STK33: variants seen among roughly 807,000 people sequenced by gnomAD.
STK33 encodes serine/threonine-protein kinase 33.
Under a neutral mutation model 58.0 loss-of-function variants are expected in STK33, and 52 were observed. The observed-to-expected ratio is 0.90, with a 90% CI of 0.72 to 1.13. STK33 has a LOEUF of 1.13. Among genes scored for constraint, STK33 ranks in the 50% most tolerant of loss-of-function variants. STK33 has a pLI of 0.00. For missense variants in STK33, 630 were observed against 604.2 expected (o/e 1.04, Z -0.45); for synonymous variants, 215 against 200.1 (o/e 1.07, Z -0.63).
intron 15 of STK33, among the ~76,000 whole-genome samples, chr11:8,397,991 C>T (rs1849671399): frequency 6.6e-6 from 1 of 152,286 alleles, no homozygotes; most frequent in East Asian, 1.9e-4. Context: ...CTGATTGGTG[C>T]ACCTGAAAGT....
chr11:8,390,009 G>A (rs764309776), downstream of STK33, among the ~76,000 whole-genome samples: 18 of 152,086 alleles, frequency 1.2e-4, no homozygotes, highest in South Asian at 2.1e-4. Context: ...CTCTCGCTCC[G>A]GCTTCCGGCT....
chr11:8,552,916 C>G (rs1956402285), intron 1 of STK33, among the ~76,000 whole-genome samples: 1 of 151,218 alleles, frequency 6.6e-6, no homozygotes, highest in Admixed American at 6.6e-5. Context: ...TTTGGGAGGC[C>G]AAGGCAGAAG....
chr11:8,436,065 T>C lies in STK33; in HGVS notation c.1022A>G (p.His341Arg). ...GGAATTCCAGACTGCATTTTCAAAA[T>C]GTAGTTCTCCTTTTCTTATTAACTC... ...LFELIRKGEL[H>R]FENAVWNSIS... The change falls in exon 13 of 16, where the codon CAT becomes CGT. Residue 341 changes from histidine (H) to arginine (R), a missense_variant. Transcript: ENST00000687296. 6.3e-7 allele frequency: 1 copy of C among 1,592,780 alleles called. No homozygotes were observed. Among genetic ancestry groups the C allele is most frequent in the Non-Finnish European group, 8.6e-7 (1 of 1,169,466 alleles).
intron 1 of STK33, among the ~76,000 whole-genome samples, chr11:8,544,975 T>C (rs1474820495): frequency 6.6e-6 from 1 of 152,196 alleles, no homozygotes; most frequent in Non-Finnish European, 1.5e-5. Context: ...CATGACACGG[T>C]CCTGCTTACA....
chr11:8,454,946 G>A, intron 9 of STK33, 114 bp from the exon 10 acceptor site: 1 of 1,057,710 alleles, frequency 9.5e-7, no homozygotes, highest in Non-Finnish European at 1.3e-6. Context: ...AAATTTGAGG[G>A]CCAAGCATAG....
chr11:8,492,344 CA>C lies in STK33; in HGVS notation c.-465-11731del, dbSNP rs1198464629. ...TTAAACCAACAAAGATCAAAAGAGA[CA>C]AAGAAGGCCACTACATAATGGTAAA... On this transcript the variant is annotated intron_variant, in intron 1 of 15. Coordinates refer to ENST00000687296, the MANE Select transcript of STK33 (RefSeq NM_001352389.2). Among the ~76,000 whole-genome samples the C allele has an allele frequency of 4.7e-5, 7 of 148,854 alleles. No homozygotes were observed. In the East Asian group the frequency reaches 1.4e-3, roughly 29 times the overall value.
chr11:8,504,609 G>C (rs1951741271), intron 1 of STK33, among the ~76,000 whole-genome samples: 1 of 151,818 alleles, frequency 6.6e-6, no homozygotes, highest in Non-Finnish European at 1.5e-5. Flanking sequence ...GCAACACAGG[G>C]AGACCTCATC....
chr11:8,366,990 GTATT>G, the STK33 span, among the ~76,000 whole-genome samples: 1 of 152,198 alleles, frequency 6.6e-6, no homozygotes, highest in South Asian at 2.1e-4. Flanking sequence ...GTGTGCAAGT[GTATT>G]TGTTATTCTT....
At chr11:8,583,478 T>C (rs1434353330) in intron 1 of STK33, among the ~76,000 whole-genome samples, 2 of 152,170 alleles carry the variant, frequency 1.3e-5, no homozygotes, top group East Asian at 1.9e-4. Context: ...ACATGTACTA[T>C]GGAAATGACT....
chr11:8,537,581 G>A (rs1210857418), intron 1 of STK33, among the ~76,000 whole-genome samples: 2 of 152,010 alleles, frequency 1.3e-5, no homozygotes, highest in African/African-American at 4.8e-5. Flanking sequence ...ATTTTCTGTA[G>A]TACACATTAT....
intron 1 of STK33, among the ~76,000 whole-genome samples, chr11:8,529,804 C>T (rs557919463): frequency 6.6e-6 from 1 of 152,132 alleles, no homozygotes; most frequent in East Asian, 1.9e-4. Flanking sequence ...TCAAAAGCCC[C>T]GAGGAAGAAC....
chr11:8,502,087 T>C (rs1391806078), intron 1 of STK33, among the ~76,000 whole-genome samples: 2 of 152,032 alleles, frequency 1.3e-5, no homozygotes, highest in African/African-American at 2.4e-5. Flanking sequence ...CTCAATTACA[T>C]AGTGTGATGA....
At chr11:8,513,338 GT>G (rs1952493975) in intron 1 of STK33, among the ~76,000 whole-genome samples, 1 of 152,046 alleles carries the variant, frequency 6.6e-6, no homozygotes, top group African/African-American at 2.4e-5. Context: ...TGTGTAGCCC[GT>G]TCCTACCACC....
intron 1 of STK33, among the ~76,000 whole-genome samples, chr11:8,523,208 C>T (rs1039885715): frequency 6.6e-6 from 1 of 152,148 alleles, no homozygotes; most frequent in Non-Finnish European, 1.5e-5. Context: ...TCTGCCCAGC[C>T]GCCACCCCGT....
chr11:8,477,860 A>G lies in STK33; in HGVS notation c.-260-577T>C, dbSNP rs550638216. Among the ~76,000 whole-genome samples the G allele has an allele frequency of 4.6e-5, 7 of 152,286 alleles. No individual in the cohort carries two copies. In the South Asian group the frequency reaches 1.5e-3, roughly 32 times the overall value. On this transcript the variant is annotated intron_variant, in intron 2 of 15. Coordinates refer to ENST00000687296, the MANE Select transcript of STK33 (RefSeq NM_001352389.2). ...CTTGGTAGCTATATGCATAAAGCAT[A>G]GGATTTCTTTCTATTACTCACTGAG...
chr11:8,464,981 C>T, intron 6 of STK33, 159 bp from the exon 7 acceptor site: 1 of 463,578 alleles, frequency 2.2e-6, no homozygotes, highest in Non-Finnish European at 3.8e-6. Context: ...TATTAATAAA[C>T]ACATCTTAAT....
chr11:8,511,664 C>T (rs957856514), intron 1 of STK33, among the ~76,000 whole-genome samples: 1 of 152,036 alleles, frequency 6.6e-6, no homozygotes, highest in Non-Finnish European at 1.5e-5. Flanking sequence ...CTATGCCAAT[C>T]TTGTTGAGAG....
intron 14 of STK33, among the ~76,000 whole-genome samples, chr11:8,421,000 G>A (rs542829906): frequency 1.3e-5 from 2 of 151,552 alleles, no homozygotes; most frequent in African/African-American, 4.8e-5. Context: ...AAAAGGGGAG[G>A]GGGGGAATAT....
intron 1 of STK33, among the ~76,000 whole-genome samples, chr11:8,581,499 C>T (rs913531206): frequency 1.3e-5 from 2 of 152,056 alleles, no homozygotes; most frequent in East Asian, 1.9e-4. Context: ...TGATGACTTT[C>T]GGTTTCACAA....
Sources: gnomAD v4.1 joint callset for allele counts (sites outside exome capture counted in the v4.1 genomes callset) on GRCh38, gnomAD v4.1.1 for gene constraint, MANE v1.5 for transcripts, NCBI Gene and HGNC (gene_info 2026-07-23, HGNC 2026-07-21) for gene names.